Variants in UBE4B observed in about 807,000 individuals in gnomAD.
UBE4B encodes the protein ubiquitination factor E4B.
A neutral mutation model predicts 148.1 loss-of-function variants in UBE4B; 27 were observed. The ratio of observed to expected loss-of-function variants is 0.18; its 90% CI spans 0.13 to 0.25. The LOEUF (loss-of-function observed/expected upper bound fraction) is 0.25. Among genes scored for constraint, UBE4B ranks in the 10% least tolerant of loss-of-function variants. The pLI is 1.00. For synonymous variants in UBE4B, 596 were observed against 619.3 expected (o/e 0.96, Z 0.56); for missense variants, 1,170 against 1,662.4 (o/e 0.70, Z 5.15).
At chr1:10,129,809 C>T (rs116352448) in intron 12 of UBE4B, among the ~76,000 whole-genome samples, 20 of 152,076 alleles carry the variant, frequency 1.3e-4, no homozygotes, top group African/African-American at 4.3e-4. Flanking sequence ...CATTACCATG[C>T]GAGGCTAATT....
Position 10,179,999 on chromosome 1 carries a change from A to G in UBE4B, c.*43A>G, listed in dbSNP as rs1646483688. 6.2e-7 allele frequency: 1 copy of G among 1,611,558 alleles called. No homozygotes were observed. The highest frequency in any genetic ancestry group is 8.5e-7 in the Non-Finnish European group (1 of 1,179,000). ...CCTCTGCTAGACACAGCCAAGGCCA[A>G]CGAGGCAAGCAGAAGCAGCGGCCGC... On this transcript the variant is annotated 3_prime_UTR_variant, in exon 28 of 28. Transcript: ENST00000343090.
chr1:10,118,809 A>G (rs1327242404), intron 8 of UBE4B, among the ~76,000 whole-genome samples: 1 of 137,326 alleles, frequency 7.3e-6, no homozygotes, highest in Non-Finnish European at 1.5e-5. Context: ...CGGCACACCC[A>G]GCTAATTTTT....
chr1:10,055,858 G>T (rs1200165727), intron 1 of UBE4B, among the ~76,000 whole-genome samples: 1 of 152,194 alleles, frequency 6.6e-6, no homozygotes, highest in Non-Finnish European at 1.5e-5. Flanking sequence ...GATGGAGGTT[G>T]CAGTGAGCTG....
chr1:10,064,520 G>A (rs1468311019), intron 1 of UBE4B, among the ~76,000 whole-genome samples: 1 of 152,174 alleles, frequency 6.6e-6, no homozygotes, highest in Non-Finnish European at 1.5e-5. Context: ...TAGAAAGATA[G>A]CTGGGTCACA....
chr1:10,044,012 G>A (rs758275401), intron 1 of UBE4B, among the ~76,000 whole-genome samples: 2 of 152,088 alleles, frequency 1.3e-5, no homozygotes, highest in African/African-American at 4.8e-5. Flanking sequence ...TGTTGTTGGG[G>A]GAGTGACCAC....
chr1:10,140,046 C>T (rs1645761333), intron 17 of UBE4B, among the ~76,000 whole-genome samples: 1 of 152,098 alleles, frequency 6.6e-6, no homozygotes. Context: ...TCTACTGCCT[C>T]TTGAGATGGA....
intron 7 of UBE4B, among the ~76,000 whole-genome samples, chr1:10,110,896 C>T (rs1011383264): frequency 2.6e-5 from 4 of 151,864 alleles, no homozygotes; most frequent in African/African-American, 4.8e-5. Context: ...CTTTGGAGGC[C>T]GAGGTGGGAG....
rs377287651 is a variant in UBE4B at position 10,132,313 on chromosome 1, G to A, written c.1912-56G>A. 4.4e-4 allele frequency: 622 copies of A among 1,411,758 alleles called. 8 individuals carry two copies. In the South Asian group the frequency reaches 6.6e-3, roughly 15 times the overall value. 87.5% of individuals were successfully genotyped at this position (1,411,758 alleles called of 1,614,324 possible). The stretch of plus-strand genomic sequence containing the variant: ...GGCTAGCTGTTCGTGAAGTCAAAAA[G>A]GAATCATGTGCAAAATAGTTTTAAT... On this transcript the variant is annotated intron_variant, in intron 14 of 27. Coordinates refer to ENST00000343090, the MANE Select transcript of UBE4B (RefSeq NM_001105562.3).
intron 1 of UBE4B, among the ~76,000 whole-genome samples, chr1:10,048,792 T>C (rs923658379): frequency 5.9e-5 from 9 of 152,052 alleles, no homozygotes; most frequent in Admixed American, 3.9e-4. Context: ...GGGAGGGAGC[T>C]CAGGAGTGAG....
intron 4 of UBE4B, 58 bp from the exon 5 acceptor site, chr1:10,102,890 A>G (rs1570893349): frequency 6.6e-7 from 1 of 1,523,178 alleles, no homozygotes; most frequent in Middle Eastern, 1.9e-4. Flanking sequence ...ATTCCTATTG[A>G]AACACCTAAC....
chr1:10,140,544 A>C (rs1645766959), intron 17 of UBE4B, among the ~76,000 whole-genome samples: 1 of 152,172 alleles, frequency 6.6e-6, no homozygotes, highest in African/African-American at 2.4e-5. Context: ...AAAAATTCAA[A>C]CTATGATTGT....
intron 25 of UBE4B, among the ~76,000 whole-genome samples, chr1:10,176,113 A>G (rs1303608755): frequency 6.6e-6 from 1 of 152,116 alleles, no homozygotes; most frequent in African/African-American, 2.4e-5. Context: ...GTAACCTTCT[A>G]TGTCTGGCTT....
chr1:10,173,376 G>T (rs1646366449), intron 25 of UBE4B, among the ~76,000 whole-genome samples: 1 of 151,894 alleles, frequency 6.6e-6, no homozygotes, highest in South Asian at 2.1e-4. Flanking sequence ...CAGCTACTCG[G>T]GAGGCTGAGG....
In UBE4B at chr1:10,135,139, G is replaced by A. The variant is rs780330455; in HGVS notation, c.2177G>A (p.Arg726His). The stretch of plus-strand genomic sequence containing the variant: ...ATTACTCTTCCCAATGATGAGACGC[G>A]TGTGAATGCAACGATGGAAGATGTG... ...CRITLPNDETRVNATMEDVND... is the reference protein window; with the variant it reads ...CRITLPNDETHVNATMEDVND... Residue 726 changes from arginine to histidine, a missense_variant, in exon 16 of 28, where the codon CGT (arginine) becomes CAT (histidine). Arg to His is a conservative substitution (Grantham distance 29, BLOSUM62 0). Coordinates refer to ENST00000343090, the MANE Select transcript of UBE4B (RefSeq NM_001105562.3). 2.3e-5 allele frequency: 37 copies of A among 1,613,784 alleles called. No homozygotes were observed. The highest frequency in any genetic ancestry group is 5.3e-5 in the African/African-American group (4 of 74,860).
chr1:10,116,264 T>C (rs1398510226), intron 7 of UBE4B, among the ~76,000 whole-genome samples: 1 of 152,140 alleles, frequency 6.6e-6, no homozygotes, highest in Non-Finnish European at 1.5e-5. Context: ...TGCCTCAGCC[T>C]CCTGAGTGGC....
At chr1:10,117,067 T>G (rs1557568721) in intron 7 of UBE4B, among the ~76,000 whole-genome samples, 2 of 152,220 alleles carry the variant, frequency 1.3e-5, no homozygotes, top group African/African-American at 4.8e-5. Flanking sequence ...CAGTCCCTTA[T>G]AACTTTTCCC....
At chr1:10,114,724 C>T (rs992988187) in intron 7 of UBE4B, among the ~76,000 whole-genome samples, 2 of 152,064 alleles carry the variant, frequency 1.3e-5, no homozygotes, top group Non-Finnish European at 2.9e-5. Flanking sequence ...ATTAGCTGTA[C>T]ATGGTGGCGA....
chr1:10,162,113 C>G (rs976894042), intron 23 of UBE4B, among the ~76,000 whole-genome samples: 1 of 152,014 alleles, frequency 6.6e-6, no homozygotes, highest in Non-Finnish European at 1.5e-5. Context: ...ATTTTCGTGC[C>G]TCAGCCTTCT....
At chr1:10,158,821 C>T (rs1333091799) in intron 22 of UBE4B, among the ~76,000 whole-genome samples, 1 of 151,924 alleles carries the variant, frequency 6.6e-6, no homozygotes, top group African/African-American at 2.4e-5. Flanking sequence ...CCAGCCTGGC[C>T]AACATGGTGA....
Sources: gnomAD v4.1 joint callset for allele counts (sites outside exome capture counted in the v4.1 genomes callset) on GRCh38, gnomAD v4.1.1 for gene constraint, MANE v1.5 for transcripts, NCBI Gene and HGNC (gene_info 2026-07-23, HGNC 2026-07-21) for gene names.